RERE: variants seen among roughly 807,000 people sequenced by gnomAD.
The protein encoded by RERE is arginine-glutamic acid dipeptide repeats protein.
In RERE, 40 loss-of-function variants were observed where a neutral mutation model predicts 146.1. The ratio of observed to expected loss-of-function variants is 0.27; its 90% CI spans 0.21 to 0.36. The LOEUF is 0.36. Among genes scored for constraint, RERE ranks in the 10% least tolerant of loss-of-function variants. The pLI, the probability that RERE is intolerant of heterozygous loss-of-function variation, is 1.00. For synonymous variants in RERE, 1,003 were observed against 866.0 expected (o/e 1.16, Z -2.78); for missense variants, 1,933 against 2,138.7 (o/e 0.90, Z 1.90).
In RERE at chr1:8,490,170, G is replaced by C. The variant is rs1383686266; in HGVS notation, c.1104+4893C>G. 3.3e-5 allele frequency among the ~76,000 whole-genome samples: 5 copies of C among 151,832 alleles called. No homozygotes were observed. In the South Asian group the frequency reaches 1.0e-3, roughly 32 times the overall value. Reference sequence around the variant, plus strand: ...GAGGTCAAGAGGTCAAGACCATCCTGGCCAACGTGGTGAAATCCTGTCTCT... The same window carrying C: ...GAGGTCAAGAGGTCAAGACCATCCTCGCCAACGTGGTGAAATCCTGTCTCT... On this transcript the variant is annotated intron_variant, in intron 10 of 22. Coordinates refer to ENST00000400908, the MANE Select transcript of RERE (RefSeq NM_001042681.2).
intron 10 of RERE, among the ~76,000 whole-genome samples, chr1:8,483,518 T>C (rs532399953): frequency 4.6e-5 from 7 of 152,242 alleles, no homozygotes; most frequent in Non-Finnish European, 1.0e-4. Context: ...ATCCTTAGAA[T>C]AGGGTTATCT....
intron 2 of RERE, among the ~76,000 whole-genome samples, chr1:8,639,886 G>C (rs553945159): frequency 6.6e-6 from 1 of 152,150 alleles, no homozygotes; most frequent in Non-Finnish European, 1.5e-5. Context: ...GACAAGTAAA[G>C]TCTAAAAACT....
chr1:8,669,621 C>T (rs978078034), intron 1 of RERE, among the ~76,000 whole-genome samples: 3 of 152,158 alleles, frequency 2.0e-5, no homozygotes, highest in Non-Finnish European at 4.4e-5. Context: ...GCTGTAAAAA[C>T]ACAGTCAATT....
At chr1:8,797,247 A>G (rs893608088) in intron 1 of RERE, among the ~76,000 whole-genome samples, 9 of 152,086 alleles carry the variant, frequency 5.9e-5, no homozygotes, top group African/African-American at 2.2e-4. Flanking sequence ...AATCAGTCAA[A>G]CAAATTACTG....
At chr1:8,749,741 G>A (rs1362067293) in intron 1 of RERE, among the ~76,000 whole-genome samples, 1 of 152,040 alleles carries the variant, frequency 6.6e-6, no homozygotes. Flanking sequence ...CAGCCATGGA[G>A]GAAAAAAAAT....
Position 8,361,294 on chromosome 1 carries a change from G to T in RERE, c.2213C>A (p.Pro738His), listed in dbSNP as rs757077446. 6.2e-7 allele frequency: 1 copy of T among 1,606,630 alleles called. No homozygotes were observed. Among genetic ancestry groups the T allele is most frequent in the African/African-American group, 1.3e-5 (1 of 74,960 alleles). ...CCCAGTGGGAGCCTGCAAGGCTGGG[G>T]GCTGGGCCTGCAGCATCTGCTGCTG... The part of the protein sequence containing the change: ...SAQQQMLQAQ[P>H]PALQAPTGVT... The change falls in exon 18 of 23, where the codon CCC becomes CAC. Residue 738 changes from proline to histidine, a missense_variant. Coordinates refer to ENST00000400908, the MANE Select transcript of RERE (RefSeq NM_001042681.2).
At chr1:8,667,665 A>G (rs902539439) in intron 1 of RERE, among the ~76,000 whole-genome samples, 8 of 152,234 alleles carry the variant, frequency 5.3e-5, no homozygotes, top group African/African-American at 1.9e-4. Flanking sequence ...CAACAGAGCA[A>G]GACTCCGTCT....
chr1:8,786,986 G>A (rs772143412), intron 1 of RERE: 29 of 612,852 alleles, frequency 4.7e-5, no homozygotes, highest in South Asian at 1.9e-5. Flanking sequence ...CAGCCAAAGT[G>A]ATCTTTATAA....
At chr1:8,362,392 G>A (rs577159029) in intron 16 of RERE, among the ~76,000 whole-genome samples, 2 of 152,280 alleles carry the variant, frequency 1.3e-5, no homozygotes, top group African/African-American at 4.8e-5. Context: ...GGATACCAAG[G>A]GAGGACTGTA....
intron 12 of RERE, among the ~76,000 whole-genome samples, chr1:8,383,617 T>C (rs892551622): frequency 6.6e-6 from 1 of 152,086 alleles, no homozygotes; most frequent in African/African-American, 2.4e-5. Context: ...TCCCAGCACT[T>C]TGGGAGGCTG....
At chr1:8,444,024 C>A (rs1199447959) in intron 11 of RERE, among the ~76,000 whole-genome samples, 1 of 152,238 alleles carries the variant, frequency 6.6e-6, no homozygotes, top group Admixed American at 6.5e-5. Flanking sequence ...CCCACTGGGG[C>A]ACCACCTAGT....
intron 4 of RERE, among the ~76,000 whole-genome samples, chr1:8,588,674 A>G (rs920873970): frequency 6.6e-6 from 1 of 152,242 alleles, no homozygotes; most frequent in African/African-American, 2.4e-5. Flanking sequence ...AAGATGCCAA[A>G]CAAAATCTTT....
Position 8,361,234 on chromosome 1 carries a change from G to T in RERE, c.2273C>A (p.Thr758Asn), listed in dbSNP as rs1449571004. Residue 758 changes from threonine (T) to asparagine (N), a missense_variant, in exon 18 of 23, where the codon ACC becomes AAC. Coordinates refer to ENST00000400908, the MANE Select transcript of RERE (RefSeq NM_001042681.2). ...TPAPSSAPPG[T>N]PQLPTPGPTP... ...GGGCCCTGGCGTGGGCAGCTGAGGG[G>T]TCCCTGGAGGAGCTGAGGAGGGAGC... is the stretch of plus-strand genomic sequence containing the variant. 6.5e-7 allele frequency: 1 copy of T among 1,548,816 alleles called. No individual in the cohort carries two copies. Among genetic ancestry groups the T allele is most frequent in the Non-Finnish European group, 8.7e-7 (1 of 1,150,984 alleles).
chr1:8,579,133 C>T (rs1039482619), intron 4 of RERE, among the ~76,000 whole-genome samples: 12 of 152,232 alleles, frequency 7.9e-5, no homozygotes, highest in South Asian at 2.1e-4. Context: ...CTGTTACTCA[C>T]GCAGAACCAC....
intron 12 of RERE, among the ~76,000 whole-genome samples, chr1:8,405,178 C>T (rs1643403786): frequency 6.6e-6 from 1 of 152,054 alleles, no homozygotes; most frequent in South Asian, 2.1e-4. Flanking sequence ...TAGCGGTATG[C>T]CAATATAATC....
At chr1:8,497,936 C>T (rs1326518945) in intron 8 of RERE, among the ~76,000 whole-genome samples, 1 of 152,204 alleles carries the variant, frequency 6.6e-6, no homozygotes, top group Non-Finnish European at 1.5e-5. Flanking sequence ...GCAAATGATA[C>T]CTCACCTAAG....
At chr1:8,805,001 G>GTTTTT (rs1168699583) in intron 1 of RERE, among the ~76,000 whole-genome samples, 4 of 102,722 alleles carry the variant, frequency 3.9e-5, no homozygotes, top group African/African-American at 1.5e-4. Flanking sequence ...GTTTTGTTTT[G>GTTTTT]TTTTTGGTTT....
At chr1:8,726,711 T>C (rs546531191) in intron 1 of RERE, among the ~76,000 whole-genome samples, 1 of 152,346 alleles carries the variant, frequency 6.6e-6, no homozygotes, top group East Asian at 1.9e-4. Flanking sequence ...CTCTAGAGTC[T>C]CCTTCTAATA....
chr1:8,664,553 G>A (rs1638528083), intron 1 of RERE, among the ~76,000 whole-genome samples: 1 of 152,014 alleles, frequency 6.6e-6, no homozygotes, highest in Non-Finnish European at 1.5e-5. Flanking sequence ...CCAAACCAAA[G>A]GCATACTCTG....
Sources: allele counts gnomAD v4.1 joint callset (sites outside exome capture counted in the v4.1 genomes callset), GRCh38; gene constraint gnomAD v4.1.1; transcripts MANE v1.5; gene names NCBI Gene and HGNC (gene_info 2026-07-23, HGNC 2026-07-21).